SRPRA: variants seen among roughly 807,000 people sequenced by gnomAD.
SRPRA encodes the protein SRP receptor subunit alpha, also known as signal recognition particle receptor subunit alpha.
In SRPRA, 30 loss-of-function variants were observed where a neutral mutation model predicts 61.1. The observed-to-expected ratio is 0.49, with a 90% CI of 0.37 to 0.67. The LOEUF is 0.67. Among genes scored for constraint, SRPRA ranks in the 30% least tolerant of loss-of-function variants. The probability of loss-of-function intolerance (pLI) is 0.00; values close to 1 mark genes in which losing one functional copy is unlikely to be tolerated. For synonymous variants in SRPRA, 324 were observed against 299.7 expected (o/e 1.08, Z -0.84); for missense variants, 759 against 828.4 (o/e 0.92, Z 1.03).
chr11:126,266,329 G>A (rs1230720988), intron 6 of SRPRA, 51 bp from the exon 7 acceptor site: 8 of 1,604,214 alleles, frequency 5.0e-6, no homozygotes, highest in South Asian at 1.1e-5. Context: ...AGGTCTCTGA[G>A]GAAAACGTCC....
Position 126,268,091 on chromosome 11 carries a change from A to T in SRPRA, c.118-5T>A. The T allele has an allele frequency of 6.2e-7, 1 of 1,613,770 alleles. No homozygotes were observed. The highest frequency in any genetic ancestry group is 8.5e-7 in the Non-Finnish European group (1 of 1,179,762). On this transcript the variant is annotated splice_region_variant and splice_polypyrimidine_tract_variant and intron_variant, in intron 1 of 13. Coordinates refer to ENST00000332118, the MANE Select transcript of SRPRA (RefSeq NM_003139.4). ...GGAGTTGTTACCTCCCCGTTCCTGG[A>T]GAAAGAGTATGTCTCAGTGTTCAGA...
At chr11:126,256,502 T>TTCAGA in the SRPRA span, 1 of 1,508,910 alleles carries the variant, frequency 6.6e-7, no homozygotes, top group Non-Finnish European at 9.1e-7. This position sits in a 1 kb window ranked among gnomAD's most constrained non-coding sequence, Gnocchi z 6.6. Flanking sequence ...AGCATGACCT[T>TTCAGA]CTTGTTTCAG....
chr11:126,244,558 CT>C, the SRPRA span, among the ~76,000 whole-genome samples: 90 of 152,328 alleles, frequency 5.9e-4, no homozygotes, highest in African/African-American at 2.1e-3. This position sits in a 1 kb window ranked among gnomAD's most constrained non-coding sequence, Gnocchi z 4.5. Flanking sequence ...TGTCTCAGCG[CT>C]TTGGGAGGCC....
chr11:126,250,340 C>T, the SRPRA span, among the ~76,000 whole-genome samples: 2 of 152,188 alleles, frequency 1.3e-5, no homozygotes, highest in South Asian at 2.1e-4. This position sits in a 1 kb window ranked among gnomAD's most constrained non-coding sequence, Gnocchi z 5.1. Context: ...ATCCGCCCGC[C>T]TCGGTCTCCC....
the SRPRA span, among the ~76,000 whole-genome samples, chr11:126,252,073 T>C: frequency 6.6e-6 from 1 of 151,826 alleles, no homozygotes; most frequent in South Asian, 2.1e-4. This position sits in a 1 kb window ranked among gnomAD's most constrained non-coding sequence, Gnocchi z 4.7. Context: ...TGCAACCTCC[T>C]CCTCCTGGGT....
Position 126,265,866 on chromosome 11 carries a change from G to A in SRPRA, c.1052-43C>T. ...GGTATGTCAGTTCCATGTCAGCAATGACCAATCTTTATGGTACAGGTGAGA... is the reference window on the plus strand; with the variant it reads ...GGTATGTCAGTTCCATGTCAGCAATAACCAATCTTTATGGTACAGGTGAGA... On this transcript the variant is annotated intron_variant, in intron 8 of 13. Coordinates refer to ENST00000332118, the MANE Select transcript of SRPRA (RefSeq NM_003139.4). This position sits in a 1 kb window ranked among gnomAD's most constrained non-coding sequence, Gnocchi z 6.3. The A allele has an allele frequency of 1.9e-6, 3 of 1,613,044 alleles. No homozygotes were observed. The highest frequency in any genetic ancestry group is 2.2e-5 in the South Asian group (2 of 91,046).
Position 126,267,458 on chromosome 11 carries a change from T to C in SRPRA, c.365+91A>G. On this transcript the variant is annotated intron_variant, in intron 3 of 13. Transcript: ENST00000332118. This position sits in a 1 kb window ranked among gnomAD's most constrained non-coding sequence, Gnocchi z 4.2. ...CTGGGTAGCAAATTAGGAATGTCTT[T>C]GAACACATCAATTTACCACCTTTGA... 7 of 1,590,810 alleles carry C rather than the reference T, an allele frequency of 4.4e-6. No homozygotes were observed. Among genetic ancestry groups the C allele is most frequent in the Non-Finnish European group, 5.1e-6 (6 of 1,166,048 alleles).
At position 126,267,136 on chromosome 11, in the gene SRPRA, C is replaced by T; in HGVS notation, c.526+39G>A. 2 of 1,612,770 alleles carry T rather than the reference C, an allele frequency of 1.2e-6. No homozygotes were observed. Among genetic ancestry groups the T allele is most frequent in the Non-Finnish European group, 1.7e-6 (2 of 1,179,584 alleles). ...CTCAGTCCTTAGCACCGTGTTAACA[C>T]CTTTCATGTCCCAGTATATCCAAAG... On this transcript the variant is annotated intron_variant, in intron 4 of 13. Coordinates refer to ENST00000332118, the MANE Select transcript of SRPRA (RefSeq NM_003139.4). The surrounding 1 kb of genome is among the most constrained non-coding windows in gnomAD (Gnocchi z 4.2).
rs768198452 is a variant in SRPRA at position 126,266,509 on chromosome 11, G to A, written c.807C>T (p.Thr269=). The change falls in exon 6 of 14, where the codon ACC becomes ACT. Residue 269 remains threonine, a synonymous_variant. Coordinates refer to ENST00000332118, the MANE Select transcript of SRPRA (RefSeq NM_003139.4). ...TGTCCTCAGACAAGGCAGCCTCAGGGGTTCCATTGGTGGTGGGAGTACTGT... is the reference window on the plus strand; with the variant it reads ...TGTCCTCAGACAAGGCAGCCTCAGGAGTTCCATTGGTGGTGGGAGTACTGT... ...LDYSTPTTNG[T]PEAALSEDIN... 3 of 1,614,154 alleles carry A rather than the reference G, an allele frequency of 1.9e-6. No individual in the cohort carries two copies. Among genetic ancestry groups the A allele is most frequent in the South Asian group, 2.2e-5 (2 of 91,072 alleles).
In SRPRA at chr11:126,265,003, T is replaced by A; in HGVS notation, c.1481A>T (p.Tyr494Phe). ...GGCAATGCCAGCAGCATCCTTGCCA[T>A]AGCCCTTTTCAAACAACTGCACCAT... ...RTMVQLFEKG[Y>F]GKDAAGIAME... Residue 494 changes from tyrosine to phenylalanine, a missense_variant, in exon 11 of 14, where the codon TAT (tyrosine) becomes TTT (phenylalanine). Physicochemically the swap from Tyr to Phe is conservative, Grantham distance 22. Transcript: ENST00000332118. This position sits in a 1 kb window ranked among gnomAD's most constrained non-coding sequence, Gnocchi z 6.3. 1 of 1,614,166 alleles carries A rather than the reference T, an allele frequency of 6.2e-7. No individual in the cohort carries two copies.
At chr11:126,241,300 C>A in the SRPRA span, 798 of 358,290 alleles carry the variant, frequency 2.2e-3, 9 homozygotes, top group African/African-American at 0.014. Flanking sequence ...GTACAAATTA[C>A]CACTGTGTTT....
At chr11:126,255,646 A>G in the SRPRA span, among the ~76,000 whole-genome samples, 11 of 152,222 alleles carry the variant, frequency 7.2e-5, no homozygotes, top group South Asian at 2.1e-3. This position sits in a 1 kb window ranked among gnomAD's most constrained non-coding sequence, Gnocchi z 4.6. Flanking sequence ...ATGAAGACCT[A>G]CTCTTTGCAC....
chr11:126,241,626 G>A, the SRPRA span, among the ~76,000 whole-genome samples: 101 of 151,800 alleles, frequency 6.7e-4, no homozygotes, highest in Middle Eastern at 3.4e-3. Flanking sequence ...CTCGCCTCAT[G>A]GCAGCCTCCG....
the SRPRA span, among the ~76,000 whole-genome samples, chr11:126,257,607 T>TC: frequency 6.7e-6 from 1 of 148,306 alleles, no homozygotes; most frequent in African/African-American, 2.5e-5. Flanking sequence ...AATTGTACAT[T>TC]TTTTTTTTTT....
At chr11:126,254,531 AG>A in the SRPRA span, 2 of 1,506,928 alleles carry the variant, frequency 1.3e-6, no homozygotes, top group Non-Finnish European at 1.8e-6. Context: ...CTTTTCATTA[AG>A]TGAAAACGGA....
the SRPRA span, among the ~76,000 whole-genome samples, chr11:126,236,454 C>T: frequency 6.6e-6 from 1 of 152,004 alleles, no homozygotes; most frequent in African/African-American, 2.4e-5. Context: ...GACCTCTTTC[C>T]CTGTTTTTTG....
At chr11:126,249,072 C>T in the SRPRA span, among the ~76,000 whole-genome samples, 2 of 152,032 alleles carry the variant, frequency 1.3e-5, no homozygotes, top group Admixed American at 6.6e-5. Flanking sequence ...TTAAGTAAGC[C>T]GTATGTTAAG....
At position 126,267,409 on chromosome 11, in the gene SRPRA, T is replaced by C; in HGVS notation, c.366-74A>G. 4 of 1,596,048 alleles carry C rather than the reference T, an allele frequency of 2.5e-6. No homozygotes were observed. Among genetic ancestry groups the C allele is most frequent in the South Asian group, 2.3e-5 (2 of 88,776 alleles). On this transcript the variant is annotated intron_variant, in intron 3 of 13. Coordinates refer to ENST00000332118, the MANE Select transcript of SRPRA (RefSeq NM_003139.4). This position sits in a 1 kb window ranked among gnomAD's most constrained non-coding sequence, Gnocchi z 4.2. ...AAATAACGGTCCAGAGAAAGGACTCTCACACCCAAGAGGACAATGAGAACT... is the reference window on the plus strand; with the variant it reads ...AAATAACGGTCCAGAGAAAGGACTCCCACACCCAAGAGGACAATGAGAACT...
At chr11:126,254,539 C>G in the SRPRA span, 1 of 1,461,074 alleles carries the variant, frequency 6.8e-7, no homozygotes, top group South Asian at 1.3e-5. Context: ...TAAGTGAAAA[C>G]GGAAGGTCAG....
Sources: allele counts gnomAD v4.1 joint callset (sites outside exome capture counted in the v4.1 genomes callset), GRCh38; gene constraint gnomAD v4.1.1; non-coding constraint Gnocchi (gnomAD v3.1); transcripts MANE v1.5; gene names NCBI Gene and HGNC (gene_info 2026-07-23, HGNC 2026-07-21).